The following HS6ST3 variants were observed in gnomAD, a reference collection of about 807,000 sequenced individuals.
HS6ST3 encodes heparan sulfate 6-O-sulfotransferase 3.
In HS6ST3, 12 loss-of-function variants were observed where a neutral mutation model predicts 36.7. That is an observed-to-expected ratio of 0.33 (90% CI 0.21 to 0.53). The LOEUF (loss-of-function observed/expected upper bound fraction) is 0.53. Among genes scored for constraint, HS6ST3 ranks in the 20% least tolerant of loss-of-function variants. HS6ST3 has a pLI of 0.95. For missense variants in HS6ST3, 584 were observed against 640.9 expected, an observed-to-expected ratio of 0.91 and a Z score of 0.96; for synonymous variants, 240 against 257.5, an observed-to-expected ratio of 0.93 and a Z score of 0.65.
chr13:96,525,513 G>T (rs552846676), intron 1 of HS6ST3, among the ~76,000 whole-genome samples: 1 of 152,176 alleles, frequency 6.6e-6, no homozygotes, highest in African/African-American at 2.4e-5. Context: ...AATGCAGCAG[G>T]AACTGTGGAC....
At chr13:96,202,198 G>A (rs1279923044) in intron 1 of HS6ST3, among the ~76,000 whole-genome samples, 1 of 152,122 alleles carries the variant, frequency 6.6e-6, no homozygotes, top group Non-Finnish European at 1.5e-5. Flanking sequence ...GAAACTTTTT[G>A]TAATGAATCA....
intron 1 of HS6ST3, among the ~76,000 whole-genome samples, chr13:96,292,383 TGAGCCGTG>T (rs1336877439): frequency 6.6e-6 from 1 of 152,102 alleles, no homozygotes; most frequent in Non-Finnish European, 1.5e-5. Context: ...TTTATTTCTT[TGAGCCGTG>T]GAGTGATTCA....
At chr13:96,593,827 A>G (rs1157218199) in intron 1 of HS6ST3, among the ~76,000 whole-genome samples, 1 of 152,064 alleles carries the variant, frequency 6.6e-6, no homozygotes, top group East Asian at 1.9e-4. Flanking sequence ...TTTATCTGAT[A>G]TAAGCATAGC....
intron 1 of HS6ST3, among the ~76,000 whole-genome samples, chr13:96,492,144 G>A (rs968440117): frequency 2.0e-5 from 3 of 152,158 alleles, no homozygotes; most frequent in African/African-American, 7.2e-5. Context: ...CAGGTACTAT[G>A]AGCGTGTCTC....
Position 96,734,217 on chromosome 13 carries a change from A to C in HS6ST3, c.708-98273A>C, listed in dbSNP as rs1206354854. Among the ~76,000 whole-genome samples the C allele has an allele frequency of 2.0e-5, 3 of 152,220 alleles. No individual in the cohort carries two copies. The East Asian group carries it at 5.8e-4, about 29-fold the overall frequency. On this transcript the variant is annotated intron_variant, in intron 1 of 1. Transcript: ENST00000376705. ...TGCAGCAAATTGCCTGACACCTAGG[A>C]AGTACTCACAAGTAAGTGCTGCACA... is the stretch of plus-strand genomic sequence containing the variant.
intron 1 of HS6ST3, among the ~76,000 whole-genome samples, chr13:96,362,045 G>T (rs1293538010): frequency 6.6e-6 from 1 of 152,146 alleles, no homozygotes; most frequent in East Asian, 1.9e-4. Flanking sequence ...GCTCAAGTTT[G>T]AGAACTGCAG....
chr13:96,179,772 AT>A (rs1465434405), intron 1 of HS6ST3, among the ~76,000 whole-genome samples: 7 of 148,534 alleles, frequency 4.7e-5, no homozygotes, highest in African/African-American at 1.8e-4. Context: ...TTATTATGTA[AT>A]TTTTTCCCAC....
At chr13:96,200,225 G>A (rs1257525675) in intron 1 of HS6ST3, among the ~76,000 whole-genome samples, 1 of 152,178 alleles carries the variant, frequency 6.6e-6, no homozygotes, top group Non-Finnish European at 1.5e-5. Context: ...CTCTGCAATG[G>A]CTGCCCATTT....
chr13:96,710,006 C>T (rs552520607), intron 1 of HS6ST3, among the ~76,000 whole-genome samples: 3 of 152,172 alleles, frequency 2.0e-5, no homozygotes, highest in Non-Finnish European at 2.9e-5. Context: ...GAATCTGCAT[C>T]CTCAGTCCAT....
intron 1 of HS6ST3, among the ~76,000 whole-genome samples, chr13:96,331,525 G>C (rs1478228171): frequency 2.5e-4 from 38 of 152,150 alleles, no homozygotes; most frequent in African/African-American, 8.7e-4. Context: ...ACTTGAGGAG[G>C]CAGTCTGCCC....
intron 1 of HS6ST3, among the ~76,000 whole-genome samples, chr13:96,139,588 G>GTA (rs1203526929): frequency 7.0e-6 from 1 of 142,374 alleles, no homozygotes; most frequent in Non-Finnish European, 1.5e-5. Context: ...AGTTAATTTG[G>GTA]TATATATATA....
chr13:96,826,207 T>C (rs1447868200), intron 1 of HS6ST3, among the ~76,000 whole-genome samples: 1 of 152,188 alleles, frequency 6.6e-6, no homozygotes, highest in Admixed American at 6.5e-5. Flanking sequence ...GTGTTGACTA[T>C]TTCACTCCAT....
chr13:96,683,263 A>G (rs1056364958), intron 1 of HS6ST3, among the ~76,000 whole-genome samples: 8 of 152,070 alleles, frequency 5.3e-5, no homozygotes, highest in African/African-American at 1.7e-4. Flanking sequence ...AGAAATGTCA[A>G]TTAAAGGAGG....
intron 1 of HS6ST3, among the ~76,000 whole-genome samples, chr13:96,264,325 T>A (rs1307726128): frequency 6.6e-6 from 1 of 152,168 alleles, no homozygotes. Context: ...GACTGTGCCT[T>A]CTGTTCACAT....
chr13:96,224,359 CT>C, intron 1 of HS6ST3, among the ~76,000 whole-genome samples: 1 of 152,088 alleles, frequency 6.6e-6, no homozygotes, highest in Non-Finnish European at 1.5e-5. Flanking sequence ...GTCTCTCCGT[CT>C]GCTAGGCTGG....
At chr13:96,499,927 T>G (rs2055995895) in intron 1 of HS6ST3, among the ~76,000 whole-genome samples, 1 of 152,140 alleles carries the variant, frequency 6.6e-6, no homozygotes, top group African/African-American at 2.4e-5. Context: ...AATTACAGCT[T>G]TATTCAGATA....
At chr13:96,285,598 T>C (rs922292951) in intron 1 of HS6ST3, among the ~76,000 whole-genome samples, 1 of 152,200 alleles carries the variant, frequency 6.6e-6, no homozygotes, top group Admixed American at 6.5e-5. Context: ...TTACCGTTAC[T>C]CTAATGATGA....
intron 1 of HS6ST3, among the ~76,000 whole-genome samples, chr13:96,750,259 C>T (rs564458711): frequency 6.6e-6 from 1 of 152,308 alleles, no homozygotes; most frequent in African/African-American, 2.4e-5. Context: ...AACTACTATC[C>T]TTTGGATAGG....
chr13:96,522,261 T>A (rs1045118811), intron 1 of HS6ST3, among the ~76,000 whole-genome samples: 1 of 152,190 alleles, frequency 6.6e-6, no homozygotes, highest in Non-Finnish European at 1.5e-5. Flanking sequence ...AGGAGTGTTT[T>A]ACTTCCAATT....
Sources: gnomAD v4.1 joint callset for allele counts (sites outside exome capture counted in the v4.1 genomes callset) on GRCh38, gnomAD v4.1.1 for gene constraint, MANE v1.5 for transcripts, NCBI Gene and HGNC (gene_info 2026-07-23, HGNC 2026-07-21) for gene names.